GPATCH8: variants seen among roughly 807,000 people sequenced by gnomAD.
GPATCH8 encodes G-patch domain containing 8, also known as G patch domain-containing protein 8.
GPATCH8 carries 18 observed loss-of-function variants against 118.3 expected under a neutral mutation model. The observed-to-expected ratio is 0.15, with a 90% CI of 0.11 to 0.23. GPATCH8 has a LOEUF of 0.23. GPATCH8 is among the 10% of genes least tolerant of loss of function. The probability of loss-of-function intolerance (pLI) is 1.00; values close to 1 mark genes in which losing one functional copy is unlikely to be tolerated. For missense variants in GPATCH8, 1,631 were observed against 1,873.8 expected (o/e 0.87, Z 2.39); for synonymous variants, 659 against 684.7 (o/e 0.96, Z 0.59).
chr17:44,458,202 G>A (rs978486313), intron 3 of GPATCH8, among the ~76,000 whole-genome samples: 1 of 145,356 alleles, frequency 6.9e-6, no homozygotes, highest in Non-Finnish European at 1.5e-5. Flanking sequence ...AGTGAGCTAT[G>A]ATTATGCCAC....
chr17:44,455,062 T>A lies in GPATCH8; in HGVS notation c.193+9410A>T, dbSNP rs187244312. Among the ~76,000 whole-genome samples the A allele has an allele frequency of 2.6e-5, 4 of 152,292 alleles. No individual in the cohort carries two copies. In the East Asian group the frequency reaches 7.7e-4, roughly 29 times the overall value. ...ATTTGTGATTTGGGGGAGCTACATA[T>A]TTGCTATTCCCCCACCAACCTATTC... is the stretch of plus-strand genomic sequence containing the variant. On this transcript the variant is annotated intron_variant, in intron 3 of 7. Transcript: ENST00000591680.
rs774037011 is a variant in GPATCH8 at position 44,397,693 on chromosome 17, G to A, written c.4384C>T (p.Leu1462Phe). Residue 1462 changes from leucine to phenylalanine, a missense_variant, in exon 8 of 8, where the codon CTC (leucine) becomes TTC (phenylalanine). Coordinates refer to ENST00000591680, the MANE Select transcript of GPATCH8 (RefSeq NM_001002909.4). ...FTFHPVPHAALYPTLLAPRPA... is the reference protein window; with the variant it reads ...FTFHPVPHAAFYPTLLAPRPA... ...CGTGGAGCAAGTAGGGTGGGGTAGA[G>A]GGCAGCATGTGGGACAGGGTGAAAG... The A allele has an allele frequency of 6.2e-6, 10 of 1,611,746 alleles. No homozygotes were observed. The highest frequency in any genetic ancestry group is 5.5e-5 in the South Asian group (5 of 90,812).
intron 6 of GPATCH8, among the ~76,000 whole-genome samples, chr17:44,421,613 C>G (rs1172521954): frequency 6.6e-6 from 1 of 152,032 alleles, no homozygotes; most frequent in Admixed American, 6.5e-5. Context: ...TGAACTCCCC[C>G]TCAGCTTCCC....
At chr17:44,437,657 CA>C (rs11337615) in intron 3 of GPATCH8, among the ~76,000 whole-genome samples, 48,764 of 150,920 alleles carry the variant, frequency 0.32, 9,784 homozygotes, top group Middle Eastern at 0.51. Context: ...CTCCCAACCC[CA>C]AAAAAAACTT....
intron 2 of GPATCH8, among the ~76,000 whole-genome samples, chr17:44,468,942 C>G (rs1395900043): frequency 6.6e-6 from 1 of 152,118 alleles, no homozygotes; most frequent in Non-Finnish European, 1.5e-5. Context: ...TATTTGTTTT[C>G]TCTCTCTGCT....
intron 6 of GPATCH8, among the ~76,000 whole-genome samples, chr17:44,408,854 A>G (rs1423183201): frequency 2.6e-5 from 4 of 152,166 alleles, no homozygotes; most frequent in Non-Finnish European, 5.9e-5. Flanking sequence ...GGGCAAACCT[A>G]TCCTAAGAAT....
rs776951707 is a variant in GPATCH8, at chr17:44,400,205, A to T, written c.1872T>A (p.Arg624=). 4.3e-6 allele frequency: 7 copies of T among 1,613,864 alleles called. No homozygotes were observed. Among genetic ancestry groups the T allele is most frequent in the African/African-American group, 1.3e-5 (1 of 74,880 alleles). ...SKEVGGEKIV[R]SSGGRMDAPA... is the part of the protein sequence containing the mutation. ...GTGCGTCCATTCTGCCTCCTGAGGAACGTACTATTTTCTCTCCGCCCACTT... is the reference window on the plus strand; with the variant it reads ...GTGCGTCCATTCTGCCTCCTGAGGATCGTACTATTTTCTCTCCGCCCACTT... The change falls in exon 8 of 8, where the codon CGT becomes CGA. Residue 624 remains arginine (R), a synonymous_variant. Coordinates refer to ENST00000591680, the MANE Select transcript of GPATCH8 (RefSeq NM_001002909.4).
At chr17:44,481,359 T>C (rs900239023) in intron 1 of GPATCH8, among the ~76,000 whole-genome samples, 1 of 152,206 alleles carries the variant, frequency 6.6e-6, no homozygotes, top group Non-Finnish European at 1.5e-5. Context: ...AAAACTATGG[T>C]ATACCCCATA....
At chr17:44,495,648 T>C (rs1302374454) in intron 1 of GPATCH8, among the ~76,000 whole-genome samples, 1 of 152,214 alleles carries the variant, frequency 6.6e-6, no homozygotes, top group Non-Finnish European at 1.5e-5. Context: ...TTTCAAAAAT[T>C]AGTCTATATT....
In GPATCH8 at chr17:44,400,311, GTTCC is replaced by G; in HGVS notation, c.1762_1765del (p.Gly588GlnfsTer7). 6.2e-7 allele frequency: 1 copy of G among 1,614,054 alleles called. No individual in the cohort carries two copies. The highest frequency in any genetic ancestry group is 8.5e-7 in the Non-Finnish European group (1 of 1,179,938). On this transcript the variant is annotated frameshift_variant, in exon 8 of 8. Transcript: ENST00000591680. LOFTEE classifies it high-confidence loss of function. ...GCTTCCTATATCCTTTGGTTTTTCT[GTTCC>G]TTTAGTTCTGGCATCTTTGTTCCTT...
At chr17:44,472,853 G>A (rs1395827074) in intron 2 of GPATCH8, among the ~76,000 whole-genome samples, 2 of 151,544 alleles carry the variant, frequency 1.3e-5, no homozygotes, top group Non-Finnish European at 2.9e-5. Flanking sequence ...CTACCACTGC[G>A]CCCGGCTAAT....
intron 6 of GPATCH8, among the ~76,000 whole-genome samples, chr17:44,417,548 C>A (rs2099854418): frequency 6.6e-6 from 1 of 152,102 alleles, no homozygotes; most frequent in Non-Finnish European, 1.5e-5. Context: ...CTTTACAGTA[C>A]CAGATTTTGA....
At chr17:44,436,633 T>C in intron 3 of GPATCH8, 88 bp from the exon 4 acceptor site, 1 of 776,004 alleles carries the variant, frequency 1.3e-6, no homozygotes, top group Non-Finnish European at 2.4e-6. Context: ...TTAGAGATCT[T>C]GCCTTGGAGT....
intron 2 of GPATCH8, among the ~76,000 whole-genome samples, chr17:44,470,320 C>A (rs9911079): frequency 0.5 from 75,449 of 151,590 alleles, 20,423 homozygotes; most frequent in Middle Eastern, 0.62. Context: ...GCCTCAGCCT[C>A]CTGAGTAGCT....
chr17:44,401,134 T>C lies in GPATCH8; in HGVS notation c.943A>G (p.Ile315Val), dbSNP rs529873271. Residue 315 changes from isoleucine to valine, a missense_variant, in exon 8 of 8, where the codon ATA (isoleucine) becomes GTA (valine). Physicochemically the swap from Ile to Val is conservative, Grantham distance 29. Around this residue, in one of 8 missense-constraint regions of GPATCH8, gnomAD observed 405 missense variants for 462.7 expected, o/e 0.88. Transcript: ENST00000591680. ...AKKAPVKLES[I>V]ASVFKDHAEE... ...GCATGGTCCTTGAAAACTGATGCTA[T>C]TGATTCGAGTTTGACAGGAGCCTTT... 4 of 1,614,170 alleles carry C rather than the reference T, an allele frequency of 2.5e-6. No individual in the cohort carries two copies. The highest frequency in any genetic ancestry group is 1.3e-5 in the African/African-American group (1 of 75,056).
intron 6 of GPATCH8, among the ~76,000 whole-genome samples, chr17:44,417,600 T>C (rs2049735591): frequency 6.6e-6 from 1 of 152,162 alleles, no homozygotes; most frequent in Non-Finnish European, 1.5e-5. Context: ...CGCAAGGAAG[T>C]TGGTCCCAAC....
At position 44,397,679 on chromosome 17, in the gene GPATCH8, T is replaced by G; in HGVS notation, c.4398A>C (p.Leu1466=). The G allele has an allele frequency of 6.2e-7, 1 of 1,611,744 alleles. No homozygotes were observed. The highest frequency in any genetic ancestry group is 8.5e-7 in the Non-Finnish European group (1 of 1,178,694). ...PVPHAALYPT[L]LAPRPAAAAA... ...CTGCTGCAGCAGGCCGTGGAGCAAGTAGGGTGGGGTAGAGGGCAGCATGTG... is the reference window on the plus strand; with the variant it reads ...CTGCTGCAGCAGGCCGTGGAGCAAGGAGGGTGGGGTAGAGGGCAGCATGTG... Residue 1466 remains leucine, a synonymous_variant, in exon 8 of 8, where the codon CTA becomes CTC. Transcript: ENST00000591680.
At position 44,398,194 on chromosome 17, in the gene GPATCH8, CTGT is replaced by C; in HGVS notation, c.3880_3882del (p.Thr1294del). 6.2e-7 allele frequency: 1 copy of C among 1,613,662 alleles called. No individual in the cohort carries two copies. The highest frequency in any genetic ancestry group is 8.5e-7 in the Non-Finnish European group (1 of 1,179,672). ...GCCAGTGAAGCATCCTCAGCCCCAT[CTGT>C]TGACTCAATACTAGGATCCCCACTG... On this transcript the variant is annotated inframe_deletion, in exon 8 of 8. Coordinates refer to ENST00000591680, the MANE Select transcript of GPATCH8 (RefSeq NM_001002909.4).
intron 1 of GPATCH8, among the ~76,000 whole-genome samples, chr17:44,494,398 C>T (rs545825573): frequency 1.3e-5 from 2 of 152,154 alleles, no homozygotes; most frequent in Non-Finnish European, 2.9e-5. Flanking sequence ...TCGCGACCAG[C>T]CTGGCCAACA....
Sources: gnomAD v4.1 joint callset for allele counts (sites outside exome capture counted in the v4.1 genomes callset) on GRCh38, gnomAD v4.1.1 for gene constraint, gnomAD v4.1.1 regional missense constraint, MANE v1.5 for transcripts, NCBI Gene and HGNC (gene_info 2026-07-23, HGNC 2026-07-21) for gene names.